The following CTNNA3 variants were observed in gnomAD, a reference collection of about 807,000 sequenced individuals.
CTNNA3 encodes the protein catenin alpha 3, also known as catenin alpha-3.
In CTNNA3, 76 loss-of-function variants were observed where a neutral mutation model predicts 95.7. That is an observed-to-expected ratio of 0.79 (90% CI 0.66 to 0.96). The LOEUF (loss-of-function observed/expected upper bound fraction) is 0.96. Ranked by LOEUF, CTNNA3 falls within the 40% of genes least tolerant of loss-of-function variation. CTNNA3 has a pLI of 0.00. For synonymous variants in CTNNA3, 431 were observed against 374.4 expected, an observed-to-expected ratio of 1.15 and a Z score of -1.74; for missense variants, 1,191 against 1,089.8, an observed-to-expected ratio of 1.09 and a Z score of -1.31.
At chr10:65,994,407 G>A (rs143567649) in intron 15 of CTNNA3, among the ~76,000 whole-genome samples, 1 of 151,422 alleles carries the variant, frequency 6.6e-6, no homozygotes, top group South Asian at 2.1e-4. Context: ...ATTTTGCTGG[G>A]TATAGTGTTC....
chr10:66,995,411 G>C (rs1851272841), intron 7 of CTNNA3, among the ~76,000 whole-genome samples: 1 of 152,086 alleles, frequency 6.6e-6, no homozygotes, highest in African/African-American at 2.4e-5. Context: ...ATGGCCCATG[G>C]TAGCAGTCAG....
rs190022480 is a variant in CTNNA3 at position 67,488,916 on chromosome 10, A to T, written c.579+32926T>A. Among the ~76,000 whole-genome samples, 286 of 152,018 alleles carry T rather than the reference A, an allele frequency of 1.9e-3. 3 individuals carry two copies. The highest frequency in any genetic ancestry group is 0.016 in the Admixed American group (251 of 15,264). Reference sequence around the variant, plus strand: ...GCATCTGGCTAATTCTTGTATTTTTAGTAGAGATGTGGTTTCGCCATGTTG... The same window carrying T: ...GCATCTGGCTAATTCTTGTATTTTTTGTAGAGATGTGGTTTCGCCATGTTG... On this transcript the variant is annotated intron_variant, in intron 5 of 17. Transcript: ENST00000433211.
At chr10:67,027,552 A>C (rs1444168235) in intron 7 of CTNNA3, among the ~76,000 whole-genome samples, 1 of 149,630 alleles carries the variant, frequency 6.7e-6, no homozygotes, top group African/African-American at 2.5e-5. Flanking sequence ...CTCCTGCCTC[A>C]GCCTTCCGAG....
intron 7 of CTNNA3, among the ~76,000 whole-genome samples, chr10:67,065,113 G>A (rs1855997323): frequency 6.6e-6 from 1 of 152,098 alleles, no homozygotes; most frequent in Non-Finnish European, 1.5e-5. Flanking sequence ...ATGACATGAG[G>A]TAAGAAATTC....
chr10:65,983,582 T>C (rs972781264), intron 16 of CTNNA3, among the ~76,000 whole-genome samples: 2 of 151,488 alleles, frequency 1.3e-5, no homozygotes, highest in African/African-American at 2.4e-5. Flanking sequence ...AGAATTGTTA[T>C]AGGTAAGAAT....
chr10:67,433,362 G>C (rs1448637822), intron 5 of CTNNA3, among the ~76,000 whole-genome samples: 1 of 151,914 alleles, frequency 6.6e-6, no homozygotes, highest in African/African-American at 2.4e-5. Context: ...TAACATCAAT[G>C]AGCACTGATC....
chr10:67,007,511 G>C (rs1490796791), intron 7 of CTNNA3, among the ~76,000 whole-genome samples: 3 of 151,740 alleles, frequency 2.0e-5, no homozygotes, highest in Non-Finnish European at 2.9e-5. Context: ...ACTGTAGGCA[G>C]TTCAACTGCC....
At chr10:67,055,765 C>A (rs1349546909) in intron 7 of CTNNA3, among the ~76,000 whole-genome samples, 1 of 152,042 alleles carries the variant, frequency 6.6e-6, no homozygotes, top group Non-Finnish European at 1.5e-5. Flanking sequence ...GAAAGATGTA[C>A]CTCAAAGGTT....
intron 13 of CTNNA3, among the ~76,000 whole-genome samples, chr10:66,221,468 C>T (rs1433502783): frequency 6.6e-6 from 1 of 152,170 alleles, no homozygotes; most frequent in Non-Finnish European, 1.5e-5. Context: ...ATTTTTAAGT[C>T]AAAAGAGCAT....
chr10:66,661,020 T>C (rs1394248967), intron 9 of CTNNA3, among the ~76,000 whole-genome samples: 1 of 152,120 alleles, frequency 6.6e-6, no homozygotes, highest in African/African-American at 2.4e-5. Context: ...AAGTGCTCAG[T>C]ACAGTGCCTC....
chr10:66,244,492 G>A (rs1004550324), intron 13 of CTNNA3, among the ~76,000 whole-genome samples: 1 of 152,172 alleles, frequency 6.6e-6, no homozygotes, highest in Admixed American at 6.5e-5. Context: ...TTCCAGTGAT[G>A]TGGCCACAGT....
At chr10:67,359,985 C>A (rs1382286710) in intron 5 of CTNNA3, among the ~76,000 whole-genome samples, 2 of 152,094 alleles carry the variant, frequency 1.3e-5, no homozygotes, top group African/African-American at 2.4e-5. Context: ...GCAACCCCAG[C>A]AGGCTAACAG....
chr10:67,060,321 G>A (rs1022406711), intron 7 of CTNNA3, among the ~76,000 whole-genome samples: 3 of 151,990 alleles, frequency 2.0e-5, no homozygotes, highest in African/African-American at 7.2e-5. Context: ...TCAAAGAAAA[G>A]TCTTTTTAAA....
chr10:67,343,872 G>A (rs1330176180), intron 5 of CTNNA3, among the ~76,000 whole-genome samples: 2 of 150,066 alleles, frequency 1.3e-5, no homozygotes, highest in Non-Finnish European at 3.0e-5. Flanking sequence ...CATTCTATAT[G>A]ACAGATCCCC....
chr10:67,487,547 A>C lies in CTNNA3; in HGVS notation c.579+34295T>G, dbSNP rs377265648. ...GTAAAATCATCTGGGGCAATCAAGG[A>C]CTATTTTCAGGAACATTTGTCTTTA... is the stretch of plus-strand genomic sequence containing the variant. On this transcript the variant is annotated intron_variant, in intron 5 of 17. Transcript: ENST00000433211. 5.3e-5 allele frequency among the ~76,000 whole-genome samples: 8 copies of C among 152,304 alleles called. No individual in the cohort carries two copies. In the South Asian group the frequency reaches 1.7e-3, roughly 32 times the overall value.
intron 13 of CTNNA3, among the ~76,000 whole-genome samples, chr10:66,195,272 T>C (rs2086892796): frequency 6.6e-6 from 1 of 152,140 alleles, no homozygotes; most frequent in African/African-American, 2.4e-5. Context: ...AGAGGTTCAT[T>C]GAGACTTTCT....
intron 7 of CTNNA3, among the ~76,000 whole-genome samples, chr10:66,816,852 T>C (rs1842108731): frequency 6.6e-6 from 1 of 151,978 alleles, no homozygotes; most frequent in South Asian, 2.1e-4. Flanking sequence ...GGAATTAAAT[T>C]AGAAATCAAT....
chr10:66,427,093 A>C (rs7910970), intron 11 of CTNNA3, among the ~76,000 whole-genome samples: 57,957 of 151,474 alleles, frequency 0.38, 11,636 homozygotes, highest in African/African-American at 0.5. Context: ...ATGTTGTTTG[A>C]TTTTCTATCA....
intron 5 of CTNNA3, among the ~76,000 whole-genome samples, chr10:67,305,327 C>G (rs531055178): frequency 7.0e-6 from 1 of 142,732 alleles, no homozygotes; most frequent in African/African-American, 2.7e-5. Context: ...AACTAACCTG[C>G]GCAATGTGCA....
Sources: gnomAD v4.1 joint callset for allele counts (sites outside exome capture counted in the v4.1 genomes callset) on GRCh38, gnomAD v4.1.1 for gene constraint, MANE v1.5 for transcripts, NCBI Gene and HGNC (gene_info 2026-07-23, HGNC 2026-07-21) for gene names.